The following LCOR variants were observed in gnomAD, a reference collection of about 807,000 sequenced individuals.
LCOR encodes ligand dependent nuclear receptor corepressor.
LCOR carries 14 observed loss-of-function variants against 64.4 expected under a neutral mutation model. The ratio of observed to expected loss-of-function variants is 0.22; its 90% CI spans 0.14 to 0.34. The LOEUF is 0.34. Among genes scored for constraint, LCOR ranks in the 10% least tolerant of loss-of-function variants. The pLI, the probability that LCOR is intolerant of heterozygous loss-of-function variation, is 1.00. For missense variants in LCOR, 1,686 were observed against 1,765.3 expected (o/e 0.96, Z 0.80); for synonymous variants, 643 against 642.5 (o/e 1.00, Z -0.01).
chr10:96,976,169 G>A (rs2134558525), intron 7 of LCOR, among the ~76,000 whole-genome samples: 1 of 152,290 alleles, frequency 6.6e-6, no homozygotes, highest in South Asian at 2.1e-4. Flanking sequence ...TCCTTTTTAT[G>A]AGGAAAACAT....
intron 7 of LCOR, among the ~76,000 whole-genome samples, chr10:96,968,383 C>T (rs993278191): frequency 8.5e-5 from 13 of 152,166 alleles, no homozygotes; most frequent in African/African-American, 3.1e-4. Flanking sequence ...AATAATTTTC[C>T]GTTAGATTCA....
intron 7 of LCOR, chr10:96,956,617 A>G: frequency 3.0e-6 from 3 of 985,816 alleles, no homozygotes; most frequent in Non-Finnish European, 3.6e-6. Context: ...ACCTTCAGAA[A>G]TGCTTCAGTT....
chr10:96,857,490 C>T (rs974342432), intron 2 of LCOR, among the ~76,000 whole-genome samples: 1 of 152,106 alleles, frequency 6.6e-6, no homozygotes, highest in Non-Finnish European at 1.5e-5. Flanking sequence ...TATTCTTGGT[C>T]GACCCCTGCA....
chr10:96,933,753 C>T (rs1285336154), intron 4 of LCOR, among the ~76,000 whole-genome samples: 3 of 152,014 alleles, frequency 2.0e-5, no homozygotes, highest in Non-Finnish European at 4.4e-5. Context: ...CTCCTGACCT[C>T]GTGATACACC....
At chr10:96,917,044 G>A (rs1001392803) in intron 4 of LCOR, among the ~76,000 whole-genome samples, 1 of 152,192 alleles carries the variant, frequency 6.6e-6, no homozygotes, top group African/African-American at 2.4e-5. Flanking sequence ...AGAGACGTTT[G>A]GTATAGATTA....
intron 2 of LCOR, among the ~76,000 whole-genome samples, chr10:96,865,229 C>G (rs1845951076): frequency 6.6e-6 from 1 of 151,730 alleles, no homozygotes; most frequent in African/African-American, 2.4e-5. Context: ...CTTAAACATG[C>G]CTTTATGAGG....
chr10:96,906,872 T>C (rs1846738263), intron 2 of LCOR, among the ~76,000 whole-genome samples: 1 of 152,214 alleles, frequency 6.6e-6, no homozygotes, highest in Non-Finnish European at 1.5e-5. Context: ...TTTTGAAAAA[T>C]GCTATTTAGA....
At chr10:96,878,265 A>G (rs1846203589) in intron 2 of LCOR, among the ~76,000 whole-genome samples, 2 of 151,494 alleles carry the variant, frequency 1.3e-5, no homozygotes, top group South Asian at 4.2e-4. Context: ...CTGGTTGCTT[A>G]CGTTGATAAT....
At position 96,941,220 on chromosome 10, in the gene LCOR, G is replaced by A. The variant is rs1406787439; in HGVS notation, c.-183-2893G>A. On this transcript the variant is annotated intron_variant, in intron 4 of 7. Transcript: ENST00000421806. ...CCCCCACCTCCCTCCCGGACGGGGC[G>A]GCTGGCCGGGCGGGGGGCTGACCCC... is the stretch of plus-strand genomic sequence containing the variant. 1.4e-5 allele frequency among the ~76,000 whole-genome samples: 2 copies of A among 139,332 alleles called. 1 individual carries two copies. The highest frequency in any genetic ancestry group is 4.4e-4 in the South Asian group (2 of 4,518). 91.4% of individuals were successfully genotyped at this position (139,332 alleles called of 152,430 possible).
intron 2 of LCOR, among the ~76,000 whole-genome samples, chr10:96,882,010 G>A (rs1446751993): frequency 1.3e-5 from 2 of 152,116 alleles, no homozygotes; most frequent in African/African-American, 2.4e-5. Flanking sequence ...TTTGAGTTTT[G>A]TTGTCCTAGA....
intron 2 of LCOR, among the ~76,000 whole-genome samples, chr10:96,837,828 G>C (rs1411712291): frequency 1.3e-5 from 2 of 152,234 alleles, no homozygotes; most frequent in Non-Finnish European, 2.9e-5. Context: ...AGCTCGGAAA[G>C]CTCAGTAGAG....
At chr10:96,906,580 A>G (rs1331593134) in intron 2 of LCOR, among the ~76,000 whole-genome samples, 1 of 152,150 alleles carries the variant, frequency 6.6e-6, no homozygotes, top group East Asian at 1.9e-4. Context: ...TGATTTTTTC[A>G]TTTTCTACTT....
intron 2 of LCOR, among the ~76,000 whole-genome samples, chr10:96,844,710 T>C (rs997188184): frequency 2.6e-5 from 4 of 152,208 alleles, no homozygotes; most frequent in African/African-American, 9.7e-5. Context: ...TTCTTCACCA[T>C]TAACTGAGAT....
In LCOR at chr10:96,983,140, G is replaced by C. The variant is rs150299830; in HGVS notation, c.2680G>C (p.Glu894Gln). Residue 894 changes from glutamate (E) to glutamine (Q), a missense_variant, in exon 8 of 8, where the codon GAG becomes CAG. Glu to Gln is a conservative substitution (Grantham distance 29). Transcript: ENST00000421806. This position sits in a 1 kb window ranked among gnomAD's most constrained non-coding sequence, Gnocchi z 4.5. ...EKPSVNERPS[E>Q]KDAEQEGEGG... Reference sequence around the variant, plus strand: ...GCCAAGTGTCAATGAACGCCCCTCTGAGAAAGATGCTGAGCAGGAGGGCGA... The same window carrying C: ...GCCAAGTGTCAATGAACGCCCCTCTCAGAAAGATGCTGAGCAGGAGGGCGA... 5 of 1,613,812 alleles carry C rather than the reference G, an allele frequency of 3.1e-6. No individual in the cohort carries two copies. In the African/African-American group the frequency reaches 4.0e-5, roughly 13 times the overall value.
At chr10:96,965,490 G>T (rs906651432) in intron 7 of LCOR, among the ~76,000 whole-genome samples, 3 of 149,696 alleles carry the variant, frequency 2.0e-5, no homozygotes, top group African/African-American at 7.3e-5. Context: ...GTGAAACCCC[G>T]TCTCTACTAA....
intron 7 of LCOR, chr10:96,957,749 G>T: frequency 1.0e-6 from 1 of 985,390 alleles, no homozygotes; most frequent in Non-Finnish European, 1.2e-6. Flanking sequence ...TCAAAGGTTA[G>T]GCACACCATT....
At chr10:96,879,479 C>T (rs77076271) in intron 2 of LCOR, among the ~76,000 whole-genome samples, 9,107 of 152,124 alleles carry the variant, frequency 0.06, 920 homozygotes, top group African/African-American at 0.21. Context: ...TGAGTACTTC[C>T]GTAGCTTTAA....
chr10:96,920,994 T>C (rs1847071361), intron 4 of LCOR, among the ~76,000 whole-genome samples: 2 of 151,928 alleles, frequency 1.3e-5, no homozygotes, highest in Non-Finnish European at 2.9e-5. Context: ...GATGGGGCCT[T>C]GTCATGTTGC....
At chr10:96,909,088 AT>A (rs1293243228) in intron 4 of LCOR, among the ~76,000 whole-genome samples, 1 of 151,442 alleles carries the variant, frequency 6.6e-6, no homozygotes, top group East Asian at 1.9e-4. Flanking sequence ...AACGAATTTC[AT>A]TTTTTTTCAT....
Sources: allele counts gnomAD v4.1 joint callset (sites outside exome capture counted in the v4.1 genomes callset), GRCh38; gene constraint gnomAD v4.1.1; non-coding constraint Gnocchi (gnomAD v3.1); transcripts MANE v1.5; gene names NCBI Gene and HGNC (gene_info 2026-07-23, HGNC 2026-07-21).